Variants in HCN1 observed in about 807,000 individuals in gnomAD.
HCN1 encodes hyperpolarization activated cyclic nucleotide gated potassium channel 1.
A neutral mutation model predicts 78.9 loss-of-function variants in HCN1; 13 were observed. The observed-to-expected ratio is 0.16, with a 90% CI of 0.11 to 0.26. HCN1 has a LOEUF of 0.26. Among genes scored for constraint, HCN1 ranks in the 10% least tolerant of loss-of-function variants. The pLI, the probability that HCN1 is intolerant of heterozygous loss-of-function variation, is 1.00. For synonymous variants in HCN1, 552 were observed against 455.5 expected (o/e 1.21, Z -2.70); for missense variants, 810 against 1,154.3 (o/e 0.70, Z 4.32).
intron 5 of HCN1, among the ~76,000 whole-genome samples, chr5:45,321,117 C>T (rs1383292465): frequency 1.3e-5 from 2 of 151,640 alleles, no homozygotes; most frequent in African/African-American, 4.8e-5. Context: ...ACCTTCCTTT[C>T]AAAGAAATGT....
At chr5:45,657,292 G>T (rs996076663) in intron 1 of HCN1, among the ~76,000 whole-genome samples, 1 of 152,130 alleles carries the variant, frequency 6.6e-6, no homozygotes. Context: ...TGCCCACAAA[G>T]AACTCATGTA....
chr5:45,448,940 C>A (rs1237870424), intron 3 of HCN1, among the ~76,000 whole-genome samples: 4 of 152,100 alleles, frequency 2.6e-5, no homozygotes, highest in Admixed American at 6.5e-5. Flanking sequence ...ATGGGAAAAT[C>A]CTGTTTTTAC....
At chr5:45,376,549 A>G (rs1163106436) in intron 4 of HCN1, among the ~76,000 whole-genome samples, 1 of 151,126 alleles carries the variant, frequency 6.6e-6, no homozygotes, top group Non-Finnish European at 1.5e-5. Context: ...AAACAAAACA[A>G]TCTTCTAAAA....
intron 3 of HCN1, among the ~76,000 whole-genome samples, chr5:45,431,665 T>G (rs1272494739): frequency 1.3e-5 from 2 of 152,224 alleles, no homozygotes; most frequent in African/African-American, 4.8e-5. Flanking sequence ...TAACCAATTA[T>G]CCCCAAACCA....
chr5:45,593,941 G>A (rs894284117), intron 2 of HCN1, among the ~76,000 whole-genome samples: 8 of 152,244 alleles, frequency 5.3e-5, no homozygotes, highest in Middle Eastern at 3.4e-3. Context: ...CTCCCAAAGT[G>A]CTGGGATTAC....
intron 2 of HCN1, among the ~76,000 whole-genome samples, chr5:45,540,962 A>G (rs1743091694): frequency 6.6e-6 from 1 of 152,192 alleles, no homozygotes; most frequent in Non-Finnish European, 1.5e-5. Context: ...TCTTTCTTCT[A>G]TATAATGGAA....
intron 1 of HCN1, among the ~76,000 whole-genome samples, chr5:45,666,731 T>C (rs1320618446): frequency 6.6e-6 from 1 of 152,044 alleles, no homozygotes; most frequent in East Asian, 1.9e-4. Context: ...TCTAACACAG[T>C]GTATGCAACT....
intron 1 of HCN1, among the ~76,000 whole-genome samples, chr5:45,693,831 A>AT (rs1352214868): frequency 6.6e-6 from 1 of 151,690 alleles, no homozygotes; most frequent in Non-Finnish European, 1.5e-5. Flanking sequence ...ATATGTAATC[A>AT]TTTTATTGAG....
At chr5:45,390,417 T>A (rs1042169403) in intron 4 of HCN1, among the ~76,000 whole-genome samples, 2 of 152,096 alleles carry the variant, frequency 1.3e-5, no homozygotes, top group Non-Finnish European at 2.9e-5. Flanking sequence ...TTCTAAAATA[T>A]CAAATGCATA....
At chr5:45,455,541 G>GA (rs927961618) in intron 3 of HCN1, among the ~76,000 whole-genome samples, 5 of 151,824 alleles carry the variant, frequency 3.3e-5, no homozygotes, top group African/African-American at 9.7e-5. Context: ...TCATTTAAAT[G>GA]AAAAAATACA....
intron 3 of HCN1, among the ~76,000 whole-genome samples, chr5:45,398,942 C>T (rs374267600): frequency 1.3e-5 from 2 of 152,146 alleles, no homozygotes; most frequent in African/African-American, 2.4e-5. Flanking sequence ...TGCTTACTGC[C>T]GTGCCCATGT....
At chr5:45,276,937 G>A (rs1169457187) in intron 6 of HCN1, among the ~76,000 whole-genome samples, 1 of 151,988 alleles carries the variant, frequency 6.6e-6, no homozygotes, top group African/African-American at 2.4e-5. Flanking sequence ...CATGATACAG[G>A]TTCAAAGAAA....
At chr5:45,664,838 T>C (rs1335907492) in intron 1 of HCN1, among the ~76,000 whole-genome samples, 4 of 151,902 alleles carry the variant, frequency 2.6e-5, no homozygotes, top group African/African-American at 7.3e-5. Flanking sequence ...GGAACACTTT[T>C]ACACTGTTGG....
intron 2 of HCN1, among the ~76,000 whole-genome samples, chr5:45,601,270 T>C (rs1023238618): frequency 3.9e-5 from 6 of 152,110 alleles, no homozygotes; most frequent in African/African-American, 1.4e-4. Flanking sequence ...ATGAAGTGTT[T>C]TGTCACACAG....
At chr5:45,677,113 A>T (rs1739573117) in intron 1 of HCN1, among the ~76,000 whole-genome samples, 2 of 151,800 alleles carry the variant, frequency 1.3e-5, no homozygotes, top group Admixed American at 1.3e-4. Flanking sequence ...CCACATCTTC[A>T]TGGAGGCTTT....
chr5:45,609,431 C>G (rs1187697885), intron 2 of HCN1, among the ~76,000 whole-genome samples: 1 of 152,018 alleles, frequency 6.6e-6, no homozygotes, highest in East Asian at 1.9e-4. Context: ...CTTTGTCATG[C>G]TGGATTATGG....
At chr5:45,601,158 G>A (rs1295146544) in intron 2 of HCN1, among the ~76,000 whole-genome samples, 2 of 152,170 alleles carry the variant, frequency 1.3e-5, no homozygotes, top group Non-Finnish European at 2.9e-5. Flanking sequence ...AGTCCACCTT[G>A]GAGAGTAGGT....
chr5:45,437,567 G>A (rs143082596), intron 3 of HCN1, among the ~76,000 whole-genome samples: 5 of 152,220 alleles, frequency 3.3e-5, no homozygotes, highest in Admixed American at 1.3e-4. Flanking sequence ...ACATTATGCT[G>A]TTAGCTGAGG....
chr5:45,480,637 A>C (rs1185190768), intron 2 of HCN1, among the ~76,000 whole-genome samples: 1 of 152,186 alleles, frequency 6.6e-6, no homozygotes, highest in Non-Finnish European at 1.5e-5. Flanking sequence ...TGGAAATTAA[A>C]ATAACTAGGA....
Sources: allele counts gnomAD v4.1 joint callset (sites outside exome capture counted in the v4.1 genomes callset), GRCh38; gene constraint gnomAD v4.1.1; transcripts MANE v1.5; gene names NCBI Gene and HGNC (gene_info 2026-07-23, HGNC 2026-07-21).